The following ATG4B variants were observed in gnomAD, a reference collection of about 807,000 sequenced individuals.
The protein encoded by ATG4B is autophagy related 4B cysteine peptidase, also known as cysteine protease ATG4B.
Under a neutral mutation model 56.6 loss-of-function variants are expected in ATG4B, and 29 were observed. That is an observed-to-expected ratio of 0.51 (90% confidence interval 0.38 to 0.70). The LOEUF is 0.70. ATG4B is among the 30% of genes least tolerant of loss of function. ATG4B has a pLI of 0.00. For synonymous variants in ATG4B, 224 were observed against 206.1 expected (o/e 1.09, Z -0.74); for missense variants, 461 against 515.5 (o/e 0.89, Z 1.02).
intron 7 of ATG4B, among the ~76,000 whole-genome samples, chr2:241,661,009 G>T (rs1055644978): frequency 2.0e-5 from 3 of 152,210 alleles, no homozygotes; most frequent in African/African-American, 7.2e-5. Context: ...AGTGTTGGGG[G>T]CAGCTTGTCT....
chr2:241,651,218 T>G lies in ATG4B; in HGVS notation c.113-46T>G. The stretch of plus-strand genomic sequence containing the variant: ...TGCCATAACTTGTGACTTGCAAACT[T>G]AAGGCGTTGTGTGTGTGTGTTTTTT... On this transcript the variant is annotated intron_variant, in intron 2 of 12. Coordinates refer to ENST00000404914, the MANE Select transcript of ATG4B (RefSeq NM_013325.5). The surrounding 1 kb of genome is among the most constrained non-coding windows in gnomAD (Gnocchi z 4.1). The G allele has an allele frequency of 6.4e-7, 1 of 1,562,672 alleles. No homozygotes were observed. Among genetic ancestry groups the G allele is most frequent in the South Asian group, 1.2e-5 (1 of 85,354 alleles).
rs1409852740 is a variant in ATG4B, at chr2:241,643,678, G to GTGTGTA, written c.10+5957_10+5958insGTATGT. Among the ~76,000 whole-genome samples the GTGTGTA allele has an allele frequency of 3.8e-4, 51 of 134,092 alleles. 1 individual carries two copies. The highest frequency in any genetic ancestry group is 2.4e-3 in the East Asian group (9 of 3,756). The allele number at this position is 134,092 out of a possible 152,430, so 88.0% of individuals were successfully genotyped here. ...TATATATATACGTGTGTGTGTGTGTGTGTATGTATATATTTTCCCCCCCCC... is the reference window on the plus strand; with the variant it reads ...TATATATATACGTGTGTGTGTGTGTGTGTGTATGTATGTATATATTTTCCCCCCCCC... On this transcript the variant is annotated intron_variant, in intron 1 of 12. Coordinates refer to ENST00000404914, the MANE Select transcript of ATG4B (RefSeq NM_013325.5).
At chr2:241,661,491 C>CCT (rs2068592579) in intron 7 of ATG4B, among the ~76,000 whole-genome samples, 1 of 152,092 alleles carries the variant, frequency 6.6e-6, no homozygotes, top group Admixed American at 6.6e-5. Flanking sequence ...CAAGGGAGGA[C>CCT]GTCTGAGGAA....
intron 1 of ATG4B, among the ~76,000 whole-genome samples, chr2:241,644,454 G>A (rs1338029771): frequency 6.6e-6 from 1 of 152,220 alleles, no homozygotes; most frequent in Non-Finnish European, 1.5e-5. Flanking sequence ...ACCCCACTTG[G>A]AAAACTGGTG....
intron 7 of ATG4B, among the ~76,000 whole-genome samples, chr2:241,660,969 G>A (rs945751259): frequency 5.3e-5 from 8 of 152,188 alleles, no homozygotes; most frequent in African/African-American, 9.7e-5. Context: ...TAGAACCTCC[G>A]TCCCTCTGGG....
At chr2:241,662,133 G>A (rs1559265358) in intron 7 of ATG4B, among the ~76,000 whole-genome samples, 1 of 152,188 alleles carries the variant, frequency 6.6e-6, no homozygotes, top group Non-Finnish European at 1.5e-5. Context: ...CCCTGAGTTG[G>A]TGAGAGTTGA....
rs778401110 is a variant in ATG4B, at chr2:241,637,712, A to C, written c.-3A>C. ...CGGGTCAGTCGGCGGCCGGACTGGG[A>C]AGATGGACGCAGGTGAGGAGTTGCC... On this transcript the variant is annotated 5_prime_UTR_variant, in exon 1 of 13. Transcript: ENST00000404914. 3.2e-6 allele frequency: 5 copies of C among 1,582,856 alleles called. No individual in the cohort carries two copies. The Admixed American group carries it at 8.9e-5, about 28-fold the overall frequency.
chr2:241,659,409 G>T, intron 7 of ATG4B: 1 of 629,608 alleles, frequency 1.6e-6, no homozygotes, highest in South Asian at 1.5e-5. Flanking sequence ...TCTGGAGGCC[G>T]CGACTTGGTA....
intron 11 of ATG4B, among the ~76,000 whole-genome samples, chr2:241,671,087 G>A (rs7557052): frequency 2.9e-3 from 441 of 152,184 alleles, no homozygotes; most frequent in African/African-American, 0.01. Flanking sequence ...TACGCCGGCC[G>A]AGTGCGTGTG....
chr2:241,650,604 T>C (rs2068200705), intron 1 of ATG4B, among the ~76,000 whole-genome samples: 1 of 152,178 alleles, frequency 6.6e-6, no homozygotes. Context: ...TTTTTGTCCT[T>C]TACTTTTTAA....
At chr2:241,656,462 A>C (rs1049657117) in intron 6 of ATG4B, among the ~76,000 whole-genome samples, 4 of 151,106 alleles carry the variant, frequency 2.6e-5, no homozygotes, top group Non-Finnish European at 5.9e-5. Flanking sequence ...TTCCACTCAC[A>C]CTTCTCTTGC....
chr2:241,665,101 C>G (rs2068721545), intron 7 of ATG4B, among the ~76,000 whole-genome samples: 2 of 152,212 alleles, frequency 1.3e-5, no homozygotes. Flanking sequence ...GCCTGGGTGA[C>G]AGAGTGAGAC....
At position 241,673,660 on chromosome 2, in the gene ATG4B, A is replaced by G. The variant is rs756787162; in HGVS notation, c.*1396A>G. On this transcript the variant is annotated 3_prime_UTR_variant, in exon 13 of 13. Coordinates refer to ENST00000404914, the MANE Select transcript of ATG4B (RefSeq NM_013325.5). Reference sequence around the variant, plus strand: ...AGCAGGGAAGGCTGGTGCGATCTCCATTCCTTGGGCTCCACGTCCGAGTTC... The same window carrying G: ...AGCAGGGAAGGCTGGTGCGATCTCCGTTCCTTGGGCTCCACGTCCGAGTTC... The G allele has an allele frequency of 5.0e-4, 228 of 456,468 alleles. 7 individuals are homozygous for G. Among genetic ancestry groups the G allele is most frequent in the South Asian group, 3.4e-3 (222 of 64,538 alleles). The allele number at this position is 456,468 out of a possible 1,614,324, so 28.3% of individuals were successfully genotyped here.
At chr2:241,659,944 C>G (rs1221337414) in intron 7 of ATG4B, among the ~76,000 whole-genome samples, 1 of 152,172 alleles carries the variant, frequency 6.6e-6, no homozygotes, top group Non-Finnish European at 1.5e-5. Flanking sequence ...GTAATCCCAG[C>G]ACCTTGGGAG....
At chr2:241,640,365 A>G in intron 1 of ATG4B, among the ~76,000 whole-genome samples, 1 of 152,112 alleles carries the variant, frequency 6.6e-6, no homozygotes, top group East Asian at 1.9e-4. Flanking sequence ...TTGATGCTGT[A>G]TTTCCTTTCA....
intron 3 of ATG4B, chr2:241,652,119 G>A (rs2068245764): frequency 2.5e-6 from 1 of 405,730 alleles, no homozygotes; most frequent in African/African-American, 2.1e-5. Context: ...TGACGCGTAG[G>A]GACATACGAC....
intron 10 of ATG4B, chr2:241,670,431 A>G (rs1409318438): frequency 8.5e-6 from 4 of 469,388 alleles, no homozygotes; most frequent in Non-Finnish European, 1.6e-5. Context: ...ACCTGCCCCA[A>G]TCCCGGAACA....
rs910224471 is a variant in ATG4B, at chr2:241,653,595, C to T, written c.268C>T (p.Arg90Trp). 2.0e-5 allele frequency: 31 copies of T among 1,569,232 alleles called. No individual in the cohort carries two copies. The highest frequency in any genetic ancestry group is 1.7e-4 in the Middle Eastern group (1 of 6,048). The change falls in exon 4 of 13, where the codon CGG becomes TGG. Residue 90 changes from arginine to tryptophan, a missense_variant. Transcript: ENST00000404914. The stretch of plus-strand genomic sequence containing the variant: ...GATCTTTGCCCAAGCCCTGGTGTGC[C>T]GGCACCTAGGCCGAGGTGAGTCACA... ...QMIFAQALVCRHLGRDWRWTQ... is the reference protein window; with the variant it reads ...QMIFAQALVCWHLGRDWRWTQ...
chr2:241,654,158 C>G (rs1007423075), intron 4 of ATG4B, among the ~76,000 whole-genome samples: 1 of 152,072 alleles, frequency 6.6e-6, no homozygotes, highest in Admixed American at 6.5e-5. Flanking sequence ...TGTGGTGGCT[C>G]ACGCCTGTAA....
Sources: allele counts gnomAD v4.1 joint callset (sites outside exome capture counted in the v4.1 genomes callset), GRCh38; gene constraint gnomAD v4.1.1; non-coding constraint Gnocchi (gnomAD v3.1); transcripts MANE v1.5; gene names NCBI Gene and HGNC (gene_info 2026-07-23, HGNC 2026-07-21).